Variants in NRXN3 observed in about 807,000 individuals in gnomAD.
NRXN3 encodes the protein neurexin 3.
In NRXN3, 32 loss-of-function variants were observed where a neutral mutation model predicts 137.6. That is an observed-to-expected ratio of 0.23 (90% CI 0.18 to 0.31). The LOEUF is 0.31. Ranked by LOEUF, NRXN3 falls within the 10% of genes least tolerant of loss-of-function variation. The pLI, the probability that NRXN3 is intolerant of heterozygous loss-of-function variation, is 1.00. For synonymous variants in NRXN3, 798 were observed against 784.5 expected (o/e 1.02, Z -0.29); for missense variants, 1,574 against 2,062.5 (o/e 0.76, Z 4.59).
intron 10 of NRXN3, among the ~76,000 whole-genome samples, chr14:78,890,636 A>T (rs1012777095): frequency 2.0e-5 from 3 of 151,948 alleles, no homozygotes; most frequent in African/African-American, 7.2e-5. Flanking sequence ...ATGGTTATAA[A>T]CTTGACATTT....
intron 10 of NRXN3, among the ~76,000 whole-genome samples, chr14:78,927,639 A>G (rs963773267): frequency 6.6e-6 from 1 of 152,134 alleles, no homozygotes; most frequent in Non-Finnish European, 1.5e-5. Context: ...TTATGATCCT[A>G]TGTGGGTTAT....
chr14:79,531,727 T>G (rs2097171404), intron 16 of NRXN3, among the ~76,000 whole-genome samples: 1 of 152,204 alleles, frequency 6.6e-6, no homozygotes, highest in Non-Finnish European at 1.5e-5. Context: ...GTTCGGACCA[T>G]GATATCCAGT....
chr14:78,236,016 A>G (rs1259303327), intron 1 of NRXN3, among the ~76,000 whole-genome samples: 1 of 152,242 alleles, frequency 6.6e-6, no homozygotes, highest in Admixed American at 6.5e-5. Flanking sequence ...TCCAGCCTAC[A>G]AAACAGGAAC....
At chr14:79,486,830 A>G (rs1308112382) in intron 16 of NRXN3, among the ~76,000 whole-genome samples, 6 of 151,852 alleles carry the variant, frequency 4.0e-5, no homozygotes, top group African/African-American at 1.2e-4. Context: ...TCAATTTCCA[A>G]TCGGTGGTCT....
At chr14:79,126,867 G>C (rs76502666) in intron 15 of NRXN3, among the ~76,000 whole-genome samples, 6,413 of 151,806 alleles carry the variant, frequency 0.042, 226 homozygotes, top group Middle Eastern at 0.054. Context: ...GATTGCCATT[G>C]TAACTGGTGT....
intron 4 of NRXN3, among the ~76,000 whole-genome samples, chr14:78,393,778 T>TAG (rs2091086963): frequency 2.0e-5 from 3 of 152,016 alleles, no homozygotes; most frequent in Admixed American, 2.0e-4. Context: ...AGACCTTCTT[T>TAG]GATTTTTAAT....
Position 78,869,139 on chromosome 14 carries a change from T to G in NRXN3, c.2275+58795T>G, listed in dbSNP as rs145140957. Among the ~76,000 whole-genome samples, 85 of 152,290 alleles carry G rather than the reference T, an allele frequency of 5.6e-4. No individual in the cohort carries two copies. The Middle Eastern group carries it at 0.024, about 43-fold the overall frequency. On this transcript the variant is annotated intron_variant, in intron 10 of 20. Transcript: ENST00000335750. Reference sequence around the variant, plus strand: ...ATCCTGGGATAGGGAAAGGGACATTTGAACATCAAATTAAGCAAAGCCATG... The same window carrying G: ...ATCCTGGGATAGGGAAAGGGACATTGGAACATCAAATTAAGCAAAGCCATG...
chr14:78,964,157 T>C (rs766507877), intron 11 of NRXN3, among the ~76,000 whole-genome samples: 7 of 152,216 alleles, frequency 4.6e-5, no homozygotes, highest in Non-Finnish European at 8.8e-5. Context: ...GTCTCCCAGA[T>C]ACTGAAGTTT....
intron 4 of NRXN3, among the ~76,000 whole-genome samples, chr14:78,457,961 C>T (rs1157982178): frequency 6.6e-6 from 1 of 152,112 alleles, no homozygotes; most frequent in Non-Finnish European, 1.5e-5. Flanking sequence ...AGGAGACACC[C>T]CCCGCTCCAG....
chr14:78,993,367 C>A (rs2099522866), intron 15 of NRXN3, among the ~76,000 whole-genome samples: 1 of 152,056 alleles, frequency 6.6e-6, no homozygotes, highest in East Asian at 1.9e-4. Flanking sequence ...CATATAGGTA[C>A]ATAGACATTA....
rs141606604 is a variant in NRXN3 at position 79,581,317 on chromosome 14, A to G, written c.3445-82461A>G. Among the ~76,000 whole-genome samples, 1,450 of 152,242 alleles carry G rather than the reference A, an allele frequency of 9.5e-3. 22 individuals carry two copies. The highest frequency in any genetic ancestry group is 0.015 in the Admixed American group (234 of 15,302). ...CATCTCCACCTCCAGCCTCTGCTCT[A>G]CAAGCTGCCACTCATCTACCTTACA... On this transcript the variant is annotated intron_variant, in intron 16 of 20. Transcript: ENST00000335750.
chr14:79,325,296 G>C (rs1233395337), intron 15 of NRXN3, among the ~76,000 whole-genome samples: 5 of 152,164 alleles, frequency 3.3e-5, no homozygotes, highest in Admixed American at 2.0e-4. Flanking sequence ...AGGCCAGCAA[G>C]CTAAGAAAAA....
At chr14:79,491,662 T>A (rs1353811023) in intron 16 of NRXN3, among the ~76,000 whole-genome samples, 1 of 151,672 alleles carries the variant, frequency 6.6e-6, no homozygotes, top group Non-Finnish European at 1.5e-5. Context: ...AAAGTGTGTG[T>A]GTGTGTGTGA....
At chr14:79,285,993 A>AT (rs1210516715) in intron 15 of NRXN3, among the ~76,000 whole-genome samples, 1 of 152,168 alleles carries the variant, frequency 6.6e-6, no homozygotes, top group East Asian at 1.9e-4. Context: ...AATTTACAAA[A>AT]TTCATAAGAT....
At chr14:78,847,439 A>C (rs1438204275) in intron 10 of NRXN3, among the ~76,000 whole-genome samples, 1 of 152,088 alleles carries the variant, frequency 6.6e-6, no homozygotes, top group Non-Finnish European at 1.5e-5. Flanking sequence ...TGTACTGTTC[A>C]AAAAGCACTT....
intron 16 of NRXN3, among the ~76,000 whole-genome samples, chr14:79,569,626 T>TGAGA (rs1175759477): frequency 7.6e-4 from 112 of 147,114 alleles, no homozygotes; most frequent in African/African-American, 2.8e-3. Context: ...TGTGTGTGTG[T>TGAGA]GTGTGAGAGA....
chr14:78,951,321 G>A (rs140272037), intron 10 of NRXN3, among the ~76,000 whole-genome samples: 5 of 152,218 alleles, frequency 3.3e-5, no homozygotes, highest in East Asian at 1.9e-4. Flanking sequence ...CATGTCATTA[G>A]GACTTCATGT....
At chr14:78,803,864 T>G in intron 9 of NRXN3, 41 bp downstream of exon 9, 1 of 1,544,592 alleles carries the variant, frequency 6.5e-7, no homozygotes, top group South Asian at 1.1e-5. Context: ...TTTGGGCTTG[T>G]CTTCCCTTTC....
chr14:79,715,408 CTG>C (rs2098820399), intron 19 of NRXN3, among the ~76,000 whole-genome samples: 1 of 152,182 alleles, frequency 6.6e-6, no homozygotes, highest in Non-Finnish European at 1.5e-5. Context: ...CTCTAAAAGA[CTG>C]TGGAGATTCT....
Sources: allele counts gnomAD v4.1 joint callset (sites outside exome capture counted in the v4.1 genomes callset), GRCh38; gene constraint gnomAD v4.1.1; transcripts MANE v1.5; gene names NCBI Gene and HGNC (gene_info 2026-07-23, HGNC 2026-07-21).